The following LRRC4C variants were observed in gnomAD, a reference collection of about 807,000 sequenced individuals.
LRRC4C encodes leucine-rich repeat-containing protein 4C.
Under a neutral mutation model 33.6 loss-of-function variants are expected in LRRC4C, and 5 were observed. The ratio of observed to expected loss-of-function variants is 0.15; its 90% CI spans 0.08 to 0.31. The LOEUF is 0.31. LRRC4C is among the 10% of genes least tolerant of loss of function. LRRC4C has a pLI of 1.00. For missense variants in LRRC4C, 560 were observed against 796.7 expected (o/e 0.70, Z 3.58); for synonymous variants, 329 against 302.0 (o/e 1.09, Z -0.93).
At chr11:40,936,042 AT>A (rs1565219287) in intron 1 of LRRC4C, among the ~76,000 whole-genome samples, 21 of 70,294 alleles carry the variant, frequency 3.0e-4, no homozygotes, top group East Asian at 1.2e-3. Context: ...ATATATATAT[AT>A]ATATATATAT....
chr11:40,354,403 T>G (rs1947560375), intron 3 of LRRC4C, among the ~76,000 whole-genome samples: 1 of 152,078 alleles, frequency 6.6e-6, no homozygotes, highest in South Asian at 2.1e-4. Context: ...CAGGCAGGCT[T>G]ATGTCCTTCC....
chr11:41,390,709 A>C (rs1036114982), intron 1 of LRRC4C, among the ~76,000 whole-genome samples: 4 of 151,818 alleles, frequency 2.6e-5, no homozygotes, highest in Admixed American at 6.6e-5. Flanking sequence ...TCTGCAATCC[A>C]GTGTTTGCAT....
At chr11:40,504,031 A>G (rs1167710031) in intron 3 of LRRC4C, among the ~76,000 whole-genome samples, 2 of 152,104 alleles carry the variant, frequency 1.3e-5, no homozygotes, top group Non-Finnish European at 2.9e-5. Flanking sequence ...AGAAATTGTC[A>G]TTTTTAAGCT....
At chr11:41,255,016 C>T (rs1443051718) in intron 1 of LRRC4C, among the ~76,000 whole-genome samples, 1 of 151,952 alleles carries the variant, frequency 6.6e-6, no homozygotes, top group Non-Finnish European at 1.5e-5. Flanking sequence ...TTAGTGTGCA[C>T]AGAAAACTGC....
chr11:40,133,882 T>C (rs550420129), intron 6 of LRRC4C, among the ~76,000 whole-genome samples: 237 of 152,266 alleles, frequency 1.6e-3, no homozygotes, highest in Non-Finnish European at 2.7e-3. Context: ...ATTTTTTGAG[T>C]GCCTACCAAA....
At chr11:40,145,749 T>G (rs2135039939) in intron 5 of LRRC4C, among the ~76,000 whole-genome samples, 1 of 152,318 alleles carries the variant, frequency 6.6e-6, no homozygotes, top group East Asian at 1.9e-4. Flanking sequence ...CTTTCTCACT[T>G]AACTTGCTCA....
At chr11:40,761,949 A>G (rs1949235380) in intron 2 of LRRC4C, among the ~76,000 whole-genome samples, 1 of 152,126 alleles carries the variant, frequency 6.6e-6, no homozygotes, top group African/African-American at 2.4e-5. Flanking sequence ...TATTTGTCAT[A>G]CTTGAGAACT....
chr11:41,229,467 A>G (rs1190827908), intron 1 of LRRC4C, among the ~76,000 whole-genome samples: 2 of 152,062 alleles, frequency 1.3e-5, no homozygotes, highest in African/African-American at 4.8e-5. Context: ...TATAGCAACG[A>G]TCACCATGTG....
At chr11:40,826,894 T>G (rs1024233388) in intron 2 of LRRC4C, among the ~76,000 whole-genome samples, 2 of 151,956 alleles carry the variant, frequency 1.3e-5, no homozygotes, top group African/African-American at 4.8e-5. Flanking sequence ...AAATTCTCTT[T>G]TACTAAAAAT....
At chr11:40,987,331 C>T (rs1413329365) in intron 1 of LRRC4C, among the ~76,000 whole-genome samples, 1 of 152,074 alleles carries the variant, frequency 6.6e-6, no homozygotes, top group Non-Finnish European at 1.5e-5. Flanking sequence ...AGCTGTATTC[C>T]TGTTTTGTAG....
At chr11:40,984,263 GGAAA>G (rs773657304) in intron 1 of LRRC4C, among the ~76,000 whole-genome samples, 4 of 136,838 alleles carry the variant, frequency 2.9e-5, no homozygotes, top group South Asian at 4.5e-4. Flanking sequence ...AAGACAAGAA[GGAAA>G]GAAAGAAGGA....
chr11:41,070,675 C>T (rs1232191361), intron 1 of LRRC4C, among the ~76,000 whole-genome samples: 1 of 152,026 alleles, frequency 6.6e-6, no homozygotes, highest in African/African-American at 2.4e-5. Context: ...AGCTCAACAT[C>T]ACTGATCATT....
chr11:41,179,986 G>A (rs553822050), intron 1 of LRRC4C, among the ~76,000 whole-genome samples: 1 of 152,248 alleles, frequency 6.6e-6, no homozygotes, highest in South Asian at 2.1e-4. Context: ...GGCCGCTGTG[G>A]GACAGGCACC....
intron 3 of LRRC4C, among the ~76,000 whole-genome samples, chr11:40,532,628 T>C (rs1956315295): frequency 1.3e-5 from 2 of 150,798 alleles, no homozygotes; most frequent in African/African-American, 2.5e-5. Flanking sequence ...AAAACAGTAG[T>C]AGTCTTTATT....
At chr11:40,274,267 G>C (rs1027495031) in intron 4 of LRRC4C, among the ~76,000 whole-genome samples, 1 of 151,892 alleles carries the variant, frequency 6.6e-6, no homozygotes, top group African/African-American at 2.4e-5. Context: ...AAAGATTCCC[G>C]TCAAGCCTCT....
In LRRC4C at chr11:40,936,060, ATATAT is replaced by A. The variant is rs1565219407; in HGVS notation, c.-495-2342_-495-2338del. 7.4e-3 allele frequency among the ~76,000 whole-genome samples: 766 copies of A among 103,096 alleles called. 29 individuals are homozygous for A. The highest frequency in any genetic ancestry group is 8.6e-3 in the Non-Finnish European group (432 of 50,054). The allele number at this position is 103,096 out of a possible 152,430, so 67.6% of individuals were successfully genotyped here. A position where few individuals can be genotyped will look rare whatever the true frequency, so the allele number is the denominator to read the frequency against. On this transcript the variant is annotated intron_variant, in intron 1 of 6. Coordinates refer to ENST00000528697, the MANE Select transcript of LRRC4C (RefSeq NM_001258419.2). ...TATATATATATATATATATATATAT[ATATAT>A]AACATAGTTTGAACCTTAACTCTGT... is the stretch of plus-strand genomic sequence containing the variant.
chr11:40,733,605 G>A (rs773715351), intron 2 of LRRC4C, among the ~76,000 whole-genome samples: 7 of 152,148 alleles, frequency 4.6e-5, no homozygotes, highest in Non-Finnish European at 5.9e-5. Context: ...AAGGCTAATA[G>A]TTAAAGACTC....
chr11:41,138,897 A>T (rs1172316948), intron 1 of LRRC4C, among the ~76,000 whole-genome samples: 1 of 152,220 alleles, frequency 6.6e-6, no homozygotes, highest in Non-Finnish European at 1.5e-5. Flanking sequence ...TAAAATTAAA[A>T]CAAAGGACAT....
At chr11:40,129,092 C>CATGA (rs1439162125) in intron 6 of LRRC4C, among the ~76,000 whole-genome samples, 1 of 152,004 alleles carries the variant, frequency 6.6e-6, no homozygotes, top group East Asian at 1.9e-4. Context: ...TTGTTAAATG[C>CATGA]ATGAATGAAT....
Sources: allele counts gnomAD v4.1 joint callset (sites outside exome capture counted in the v4.1 genomes callset), GRCh38; gene constraint gnomAD v4.1.1; transcripts MANE v1.5; gene names NCBI Gene and HGNC (gene_info 2026-07-23, HGNC 2026-07-21).